The following ASAH2 variants were observed in gnomAD, a reference collection of about 807,000 sequenced individuals.
ASAH2 encodes the protein N-acylsphingosine amidohydrolase 2.
Under a neutral mutation model 82.9 loss-of-function variants are expected in ASAH2, and 58 were observed. The ratio of observed to expected loss-of-function variants is 0.70; its 90% CI spans 0.57 to 0.87. The LOEUF (loss-of-function observed/expected upper bound fraction) is 0.87, where lower values mean the gene tolerates loss of function less well. ASAH2 is among the 40% of genes least tolerant of loss of function. The pLI, the probability that ASAH2 is intolerant of heterozygous loss-of-function variation, is 0.00. For missense variants in ASAH2, 779 were observed against 834.0 expected (o/e 0.93, Z 0.81); for synonymous variants, 276 against 289.7 (o/e 0.95, Z 0.48).
At chr10:50,218,686 A>G in intron 7 of ASAH2, 56 bp from the exon 8 acceptor site, 2 of 1,607,938 alleles carry the variant, frequency 1.2e-6, no homozygotes, top group South Asian at 2.2e-5. Flanking sequence ...ACTGGGGCCA[A>G]GAACTATGAC....
chr10:50,199,178 T>G (rs1228225492), intron 16 of ASAH2, 32 bp from the exon 17 acceptor site: 11 of 1,609,180 alleles, frequency 6.8e-6, no homozygotes, highest in Non-Finnish European at 9.4e-6. Flanking sequence ...TTGTATATGG[T>G]TCTGCTTATT....
At chr10:50,194,985 GTT>G (rs1413556011) in intron 18 of ASAH2, among the ~76,000 whole-genome samples, 1 of 142,530 alleles carries the variant, frequency 7.0e-6, no homozygotes, top group Non-Finnish European at 1.5e-5. Context: ...TGTAGGCGAT[GTT>G]TTTTTTTTTT....
chr10:50,242,122 T>C (rs1170220135), intron 4 of ASAH2, among the ~76,000 whole-genome samples: 1 of 152,118 alleles, frequency 6.6e-6, no homozygotes, highest in African/African-American at 2.4e-5. Context: ...CTGTGTGAAA[T>C]TTGGAAAGTT....
chr10:50,235,227 T>C (rs1289194038), intron 5 of ASAH2, among the ~76,000 whole-genome samples: 2 of 152,150 alleles, frequency 1.3e-5, no homozygotes, highest in Non-Finnish European at 2.9e-5. Context: ...AATTTCTGCC[T>C]ATGCCAGCTG....
intron 7 of ASAH2, among the ~76,000 whole-genome samples, chr10:50,229,758 T>C (rs888253103): frequency 6.6e-6 from 1 of 152,196 alleles, no homozygotes; most frequent in African/African-American, 2.4e-5. Context: ...CCCCCCATTT[T>C]GCCAGTTAAT....
chr10:50,236,130 T>C, intron 4 of ASAH2, 66 bp from the exon 5 acceptor site: 1 of 1,401,620 alleles, frequency 7.1e-7, no homozygotes, highest in Non-Finnish European at 1.0e-6. Flanking sequence ...GAGAAAAGGC[T>C]TTGATGAGTT....
At chr10:50,217,014 G>T (rs1295518236) in intron 8 of ASAH2, among the ~76,000 whole-genome samples, 2 of 152,138 alleles carry the variant, frequency 1.3e-5, no homozygotes, top group East Asian at 3.9e-4. Context: ...TGGCATTGCT[G>T]AGAGCTGTAG....
intron 2 of ASAH2, 84 bp from the exon 3 acceptor site, chr10:50,245,538 G>T: frequency 8.3e-7 from 1 of 1,205,910 alleles, no homozygotes; most frequent in Non-Finnish European, 1.2e-6. Context: ...TATAGGCTCA[G>T]GTTCATAAGG....
chr10:50,249,979 A>C (rs1159938214), intron 1 of ASAH2, among the ~76,000 whole-genome samples: 3 of 152,234 alleles, frequency 2.0e-5, no homozygotes, highest in African/African-American at 7.2e-5. Flanking sequence ...TAGTACAGTC[A>C]ATTTTTTATT....
rs1359262666 is a variant in ASAH2, at chr10:50,213,955, A to G, written c.1140+788T>C. Among the ~76,000 whole-genome samples, 4 of 152,166 alleles carry G rather than the reference A, an allele frequency of 2.6e-5. No homozygotes were observed. In the East Asian group the frequency reaches 7.7e-4, roughly 29 times the overall value. ...TACAAACACAAAGAATAAGAACCCA[A>G]AAAGTAGCATCTACTGCTCATGTCA... On this transcript the variant is annotated intron_variant, in intron 9 of 20. Coordinates refer to ENST00000682911, the MANE Select transcript of ASAH2 (RefSeq NM_019893.4).
Position 50,234,476 on chromosome 10 carries a change from A to T in ASAH2, c.764T>A (p.Ile255Asn), listed in dbSNP as rs1846096815. The change falls in exon 6 of 21, where the codon ATC becomes AAC. Residue 255 changes from isoleucine (I) to asparagine (N), a missense_variant. Physicochemically the swap from Ile to Asn is moderately radical, Grantham distance 149. Transcript: ENST00000682911. The part of the protein sequence containing the change: ...INKGNVDGVQ[I>N]NRSPYSYLQN... ...AAGGTAAGAATACGGACTTCTGTTG[A>T]TCTGCACACCATCCACATTTCCTTT... The T allele has an allele frequency of 6.8e-6, 11 of 1,612,910 alleles. No individual in the cohort carries two copies. Among genetic ancestry groups the T allele is most frequent in the Non-Finnish European group, 5.9e-6 (7 of 1,179,300 alleles).
intron 17 of ASAH2, among the ~76,000 whole-genome samples, chr10:50,198,071 A>C (rs72797795): frequency 3.6e-5 from 5 of 137,172 alleles, no homozygotes; most frequent in African/African-American, 1.0e-4. Context: ...TCAAACACAC[A>C]ATCAGTAACT....
intron 7 of ASAH2, among the ~76,000 whole-genome samples, 170 bp downstream of exon 7, chr10:50,233,014 C>T (rs1044091568): frequency 1.3e-5 from 2 of 152,038 alleles, no homozygotes; most frequent in African/African-American, 4.8e-5. Context: ...GACTGAGAAC[C>T]CTGTACAAGG....
intron 7 of ASAH2, among the ~76,000 whole-genome samples, chr10:50,221,583 A>G (rs1266648912): frequency 6.6e-6 from 1 of 151,924 alleles, no homozygotes; most frequent in Non-Finnish European, 1.5e-5. Flanking sequence ...TACCTGACCT[A>G]GGTCACACAA....
chr10:50,234,596 T>C (rs1846101756), intron 5 of ASAH2, 44 bp from the exon 6 acceptor site: 1 of 1,611,988 alleles, frequency 6.2e-7, no homozygotes, highest in Non-Finnish European at 8.5e-7. Context: ...TTAGAAATCC[T>C]GGTGGGGACA....
chr10:50,199,287 A>G (rs1845078583), intron 16 of ASAH2, 141 bp from the exon 17 acceptor site: 1 of 817,706 alleles, frequency 1.2e-6, no homozygotes, highest in Non-Finnish European at 2.1e-6. Context: ...TGTATGACAA[A>G]AGAGGATGGG....
chr10:50,196,380 C>T (rs1375020072), intron 18 of ASAH2, among the ~76,000 whole-genome samples: 83 of 151,702 alleles, frequency 5.5e-4, no homozygotes, highest in African/African-American at 2.0e-3. Context: ...CATCCCTCCT[C>T]CCCCCAGAAA....
At chr10:50,245,163 T>C in intron 3 of ASAH2, 59 bp downstream of exon 3, 1 of 1,362,184 alleles carries the variant, frequency 7.3e-7, no homozygotes, top group Non-Finnish European at 1.0e-6. Context: ...GAATGCAGGT[T>C]GTAAAATAAT....
intron 17 of ASAH2, among the ~76,000 whole-genome samples, chr10:50,198,744 T>G (rs1255104924): frequency 3.9e-5 from 6 of 151,946 alleles, no homozygotes; most frequent in African/African-American, 1.5e-4. Flanking sequence ...TGGGGAGAAA[T>G]GATATCTCCT....
Sources: gnomAD v4.1 joint callset for allele counts (sites outside exome capture counted in the v4.1 genomes callset) on GRCh38, gnomAD v4.1.1 for gene constraint, MANE v1.5 for transcripts, NCBI Gene and HGNC (gene_info 2026-07-23, HGNC 2026-07-21) for gene names.